The following ZNF438 variants were observed in gnomAD, a reference collection of about 807,000 sequenced individuals.
ZNF438 encodes zinc finger protein 438.
Under a neutral mutation model 38.0 loss-of-function variants are expected in ZNF438, and 25 were observed. That is an observed-to-expected ratio of 0.66 (90% CI 0.48 to 0.92). The LOEUF (loss-of-function observed/expected upper bound fraction) is 0.92, where lower values mean the gene tolerates loss of function less well. Among genes scored for constraint, ZNF438 ranks in the 40% least tolerant of loss-of-function variants. The probability of loss-of-function intolerance (pLI) is 0.00; values close to 1 mark genes in which losing one functional copy is unlikely to be tolerated. For synonymous variants in ZNF438, 372 were observed against 364.1 expected, an observed-to-expected ratio of 1.02 and a Z score of -0.25; for missense variants, 1,007 against 999.6, an observed-to-expected ratio of 1.01 and a Z score of -0.10.
chr10:30,888,344 A>AACACACACACACACACAC (rs140506626), intron 3 of ZNF438, among the ~76,000 whole-genome samples: 4,629 of 147,364 alleles, frequency 0.031, 213 homozygotes, highest in African/African-American at 0.11. Flanking sequence ...TAATATTATA[A>AACACACACACACACACAC]ACACACACAC....
At chr10:30,877,087 TA>T (rs2038546473) in intron 3 of ZNF438, 22 bp from the exon 5 acceptor site, 1 of 1,470,890 alleles carries the variant, frequency 6.8e-7, no homozygotes, top group African/African-American at 1.4e-5. Flanking sequence ...CAAGCACAAA[TA>T]AGTATTAGAA....
intron 1 of ZNF438, among the ~76,000 whole-genome samples, chr10:30,949,765 C>T (rs973189751): frequency 3.0e-4 from 45 of 151,636 alleles, no homozygotes; most frequent in Non-Finnish European, 4.4e-4. Context: ...GAGTGACCTA[C>T]AAAGAGACTT....
intron 1 of ZNF438, among the ~76,000 whole-genome samples, chr10:31,006,027 T>C (rs1364353181): frequency 1.3e-5 from 2 of 152,210 alleles, no homozygotes; most frequent in Admixed American, 1.3e-4. Flanking sequence ...AGGATGTCCA[T>C]CCCTTATTCC....
At chr10:30,947,515 G>C (rs917112257) in intron 1 of ZNF438, among the ~76,000 whole-genome samples, 1 of 152,270 alleles carries the variant, frequency 6.6e-6, no homozygotes, top group Non-Finnish European at 1.5e-5. Context: ...GGAGCCTACA[G>C]AGGGAGGCAG....
At chr10:31,027,283 G>A (rs1480681588) in intron 1 of ZNF438, among the ~76,000 whole-genome samples, 1 of 151,998 alleles carries the variant, frequency 6.6e-6, no homozygotes, top group East Asian at 1.9e-4. Flanking sequence ...ATATTTAAAT[G>A]CTCAGTATGT....
At chr10:30,967,572 T>C (rs2050259068) in intron 1 of ZNF438, among the ~76,000 whole-genome samples, 1 of 152,194 alleles carries the variant, frequency 6.6e-6, no homozygotes, top group Non-Finnish European at 1.5e-5. Flanking sequence ...ATGAATAGAT[T>C]CAAAAATCTA....
intron 4 of ZNF438, among the ~76,000 whole-genome samples, chr10:30,853,727 T>C (rs1588773323): frequency 6.6e-6 from 1 of 152,272 alleles, no homozygotes; most frequent in Non-Finnish European, 1.5e-5. Context: ...CCAGGCATGG[T>C]GGCATATGCC....
At chr10:30,854,308 C>T (rs574099880) in intron 4 of ZNF438, among the ~76,000 whole-genome samples, 2 of 152,090 alleles carry the variant, frequency 1.3e-5, no homozygotes, top group Non-Finnish European at 2.9e-5. Context: ...AGCGAGACTC[C>T]ATCTCAAAAA....
chr10:30,948,366 G>A (rs1339090172), intron 1 of ZNF438, among the ~76,000 whole-genome samples: 1 of 152,144 alleles, frequency 6.6e-6, no homozygotes, highest in Admixed American at 6.5e-5. Flanking sequence ...AAGGAACGCA[G>A]TTCCTCACCA....
At chr10:31,021,352 A>G in intron 1 of ZNF438, among the ~76,000 whole-genome samples, 1 of 152,206 alleles carries the variant, frequency 6.6e-6, no homozygotes. Flanking sequence ...TCAATTTAGA[A>G]AAATGTTTTG....
At chr10:30,859,650 T>C (rs928476457) in intron 4 of ZNF438, among the ~76,000 whole-genome samples, 1 of 152,232 alleles carries the variant, frequency 6.6e-6, no homozygotes, top group Non-Finnish European at 1.5e-5. Flanking sequence ...GGCATAATAA[T>C]ATCTGCCTAC....
intron 1 of ZNF438, among the ~76,000 whole-genome samples, chr10:30,993,541 CA>C (rs2053725049): frequency 6.6e-6 from 1 of 152,236 alleles, no homozygotes; most frequent in Non-Finnish European, 1.5e-5. Flanking sequence ...ATGGTAGTTT[CA>C]CCTAGATTTC....
At chr10:30,848,657 A>G (rs201241760) in exon 5 of ZNF438, 2 of 1,614,232 alleles carry the variant, frequency 1.2e-6, no homozygotes, top group Admixed American at 1.7e-5. Flanking sequence ...CAGATGGCCA[A>G]AATAGACTCG....
chr10:30,985,321 T>C (rs563333982), intron 1 of ZNF438, among the ~76,000 whole-genome samples: 1 of 152,308 alleles, frequency 6.6e-6, no homozygotes, highest in East Asian at 1.9e-4. Context: ...ACAGAGAAAG[T>C]GTTTTACGTA....
intron 1 of ZNF438, among the ~76,000 whole-genome samples, chr10:30,949,216 C>T (rs1231144998): frequency 6.6e-6 from 1 of 151,520 alleles, no homozygotes; most frequent in Non-Finnish European, 1.5e-5. Flanking sequence ...ATTTTGTCAC[C>T]ACCAGGCCTG....
chr10:30,930,175 T>C (rs879891957), intron 2 of ZNF438, among the ~76,000 whole-genome samples: 3 of 96,978 alleles, frequency 3.1e-5, no homozygotes, highest in Admixed American at 1.0e-4. Context: ...GGGGGGGGAG[T>C]GCGGGGCTCA....
chr10:30,937,757 C>T (rs541683307), intron 2 of ZNF438, among the ~76,000 whole-genome samples: 158 of 152,328 alleles, frequency 1.0e-3, no homozygotes, highest in Middle Eastern at 3.4e-3. Flanking sequence ...TTTATTACCA[C>T]GACCACTGCT....
At chr10:30,954,823 C>T (rs2048689071) in intron 1 of ZNF438, among the ~76,000 whole-genome samples, 1 of 152,084 alleles carries the variant, frequency 6.6e-6, no homozygotes, top group Non-Finnish European at 1.5e-5. Context: ...TGAAAACAGG[C>T]TTTTGGACTC....
intron 4 of ZNF438, among the ~76,000 whole-genome samples, chr10:30,858,471 C>T (rs188299634): frequency 6.6e-6 from 1 of 152,312 alleles, no homozygotes; most frequent in East Asian, 1.9e-4. Context: ...TGCCTACCCT[C>T]TCCCCAAGCT....
Sources: gnomAD v4.1 joint callset for allele counts (sites outside exome capture counted in the v4.1 genomes callset) on GRCh38, gnomAD v4.1.1 for gene constraint, MANE v1.5 for transcripts, NCBI Gene and HGNC (gene_info 2026-07-23, HGNC 2026-07-21) for gene names.